DLG2: variants seen among roughly 807,000 people sequenced by gnomAD.
DLG2 encodes discs large MAGUK scaffold protein 2.
A neutral mutation model predicts 132.5 loss-of-function variants in DLG2; 45 were observed. That is an observed-to-expected ratio of 0.34 (90% CI 0.27 to 0.44). DLG2 has a LOEUF of 0.44. DLG2 is among the 20% of genes least tolerant of loss of function. The probability of loss-of-function intolerance (pLI) is 1.00; values close to 1 mark genes in which losing one functional copy is unlikely to be tolerated. For missense variants in DLG2, 1,045 were observed against 1,196.9 expected, an observed-to-expected ratio of 0.87 and a Z score of 1.87; for synonymous variants, 424 against 419.6, an observed-to-expected ratio of 1.01 and a Z score of -0.13.
At chr11:84,865,814 T>C (rs1403342577) in intron 6 of DLG2, among the ~76,000 whole-genome samples, 1 of 152,216 alleles carries the variant, frequency 6.6e-6, no homozygotes, top group Non-Finnish European at 1.5e-5. Flanking sequence ...ATTTCCTTCA[T>C]AAGCATAAAC....
intron 6 of DLG2, among the ~76,000 whole-genome samples, chr11:84,814,964 G>C (rs1351649182): frequency 2.0e-5 from 3 of 152,074 alleles, no homozygotes; most frequent in Non-Finnish European, 4.4e-5. Context: ...CTTTCTGGGA[G>C]ACATGTAGAG....
chr11:85,006,851 T>A (rs1395644703), intron 6 of DLG2, among the ~76,000 whole-genome samples: 2 of 152,146 alleles, frequency 1.3e-5, no homozygotes, highest in African/African-American at 4.8e-5. Flanking sequence ...TTTCCTGCTT[T>A]CCTCTGTGGG....
chr11:85,559,173 A>G (rs1414840684), intron 3 of DLG2, among the ~76,000 whole-genome samples: 1 of 148,106 alleles, frequency 6.8e-6, no homozygotes, highest in East Asian at 2.0e-4. Context: ...TTTTTTTGAG[A>G]CGGTGTCTTG....
intron 3 of DLG2, among the ~76,000 whole-genome samples, chr11:85,444,916 G>T (rs575234471): frequency 6.2e-4 from 95 of 152,240 alleles, no homozygotes; most frequent in Admixed American, 1.2e-3. Flanking sequence ...CAGAACCATT[G>T]CTGAGAAGAT....
intron 8 of DLG2, among the ~76,000 whole-genome samples, chr11:84,201,996 T>C (rs987594690): frequency 1.3e-5 from 2 of 151,696 alleles, no homozygotes; most frequent in African/African-American, 4.8e-5. Flanking sequence ...TTTTTGTATT[T>C]TTAGTAGAGA....
At chr11:83,491,252 G>GCAGAT (rs915760325) in intron 21 of DLG2, among the ~76,000 whole-genome samples, 3 of 151,120 alleles carry the variant, frequency 2.0e-5, no homozygotes, top group Admixed American at 6.6e-5. Flanking sequence ...AGAAAAAGAA[G>GCAGAT]CAGATCAGAA....
chr11:83,486,167 T>TTGAC (rs1199163593), intron 21 of DLG2: 4 of 653,198 alleles, frequency 6.1e-6, no homozygotes, highest in East Asian at 2.8e-5. Context: ...TTAAAAATGA[T>TTGAC]AGTCCTTAAA....
chr11:84,524,865 TTA>T (rs2099315536), intron 7 of DLG2, among the ~76,000 whole-genome samples: 1 of 151,568 alleles, frequency 6.6e-6, no homozygotes, highest in African/African-American at 2.4e-5. Flanking sequence ...TTTTTTTTTT[TTA>T]AATTAATCAA....
At chr11:85,057,884 T>G (rs78586808) in intron 6 of DLG2, among the ~76,000 whole-genome samples, 36,013 of 151,476 alleles carry the variant, frequency 0.24, 4,559 homozygotes, top group Middle Eastern at 0.29. Flanking sequence ...AAAATATACT[T>G]TATAAAGTTC....
chr11:84,782,168 G>C (rs2071921174), intron 6 of DLG2, among the ~76,000 whole-genome samples: 1 of 152,014 alleles, frequency 6.6e-6, no homozygotes, highest in African/African-American at 2.4e-5. Context: ...CCATTATAAA[G>C]ACATGTAAAC....
chr11:85,191,171 C>CACACAA (rs1024393641), intron 4 of DLG2, among the ~76,000 whole-genome samples: 1 of 146,162 alleles, frequency 6.8e-6, no homozygotes, highest in African/African-American at 2.5e-5. Flanking sequence ...CGCACACACA[C>CACACAA]ACACACACAC....
At chr11:83,680,126 T>C (rs967934447) in intron 18 of DLG2, among the ~76,000 whole-genome samples, 2 of 152,150 alleles carry the variant, frequency 1.3e-5, no homozygotes, top group Non-Finnish European at 2.9e-5. Flanking sequence ...TTTTCTTTTG[T>C]TGCTATAAAT....
intron 5 of DLG2, among the ~76,000 whole-genome samples, chr11:85,142,183 C>T (rs777549744): frequency 2.0e-4 from 30 of 151,852 alleles, no homozygotes; most frequent in South Asian, 4.1e-4. Context: ...TTTCTCCAAT[C>T]TATTAACACA....
chr11:85,464,730 A>T (rs577307794), intron 3 of DLG2, among the ~76,000 whole-genome samples: 42 of 152,016 alleles, frequency 2.8e-4, no homozygotes, highest in African/African-American at 9.9e-4. Flanking sequence ...GTGGCCTTTC[A>T]TTAGATTTTT....
intron 6 of DLG2, among the ~76,000 whole-genome samples, chr11:84,681,442 T>A (rs1021709488): frequency 6.6e-6 from 1 of 152,174 alleles, no homozygotes; most frequent in Non-Finnish European, 1.5e-5. Context: ...TGAGGCACTG[T>A]TGGTTTGTAA....
intron 6 of DLG2, among the ~76,000 whole-genome samples, chr11:84,575,046 T>A (rs1032483851): frequency 2.0e-5 from 3 of 152,152 alleles, no homozygotes; most frequent in Non-Finnish European, 2.9e-5. Flanking sequence ...TGTACTGATA[T>A]ACTCCTATGA....
At chr11:83,463,883 A>G (rs2090524884) in intron 26 of DLG2, among the ~76,000 whole-genome samples, 1 of 152,202 alleles carries the variant, frequency 6.6e-6, no homozygotes, top group African/African-American at 2.4e-5. Flanking sequence ...GATTACAGCA[A>G]TGACTTAGTT....
chr11:84,891,162 A>C (rs1399124759), intron 6 of DLG2, among the ~76,000 whole-genome samples: 1 of 152,174 alleles, frequency 6.6e-6, no homozygotes, highest in Non-Finnish European at 1.5e-5. Flanking sequence ...TATACACACC[A>C]GCATTTCTCT....
At chr11:85,436,067 T>A (rs1412668468) in intron 3 of DLG2, among the ~76,000 whole-genome samples, 6 of 152,044 alleles carry the variant, frequency 3.9e-5, no homozygotes, top group African/African-American at 1.5e-4. Flanking sequence ...GAGTAAAGGA[T>A]TCTCTGTTTA....
Sources: allele counts gnomAD v4.1 joint callset (sites outside exome capture counted in the v4.1 genomes callset), GRCh38; gene constraint gnomAD v4.1.1; transcripts MANE v1.5; gene names NCBI Gene and HGNC (gene_info 2026-07-23, HGNC 2026-07-21).